The following NEGR1 variants were observed in gnomAD, a reference collection of about 807,000 sequenced individuals.
NEGR1 encodes the protein neuronal growth regulator 1.
In NEGR1, 10 loss-of-function variants were observed where a neutral mutation model predicts 40.9. That is an observed-to-expected ratio of 0.24 (90% CI 0.15 to 0.42). The LOEUF (loss-of-function observed/expected upper bound fraction) is 0.42, where lower values mean the gene tolerates loss of function less well. Ranked by LOEUF, NEGR1 falls within the 10% of genes least tolerant of loss-of-function variation. The pLI, the probability that NEGR1 is intolerant of heterozygous loss-of-function variation, is 1.00. For missense variants in NEGR1, 352 were observed against 438.9 expected, an observed-to-expected ratio of 0.80 and a Z score of 1.77; for synonymous variants, 185 against 166.8, an observed-to-expected ratio of 1.11 and a Z score of -0.84.
chr1:71,673,299 G>C (rs1261716145), intron 4 of NEGR1, among the ~76,000 whole-genome samples: 4 of 152,052 alleles, frequency 2.6e-5, no homozygotes, highest in Non-Finnish European at 4.4e-5. Context: ...GGGTATCTTT[G>C]TAAACAAGTT....
chr1:72,156,724 C>T (rs1183201749), intron 1 of NEGR1, among the ~76,000 whole-genome samples: 3 of 151,970 alleles, frequency 2.0e-5, no homozygotes, highest in Non-Finnish European at 4.4e-5. Flanking sequence ...AATTGATAGA[C>T]TAAAATACAT....
At chr1:71,626,324 T>A (rs958837658) in intron 4 of NEGR1, among the ~76,000 whole-genome samples, 1 of 151,886 alleles carries the variant, frequency 6.6e-6, no homozygotes, top group African/African-American at 2.4e-5. Flanking sequence ...ACTCGTCATT[T>A]AATATTAGGT....
rs57022653 is a variant in NEGR1, at chr1:71,876,955, G to A, written c.409+58124C>T. Among the ~76,000 whole-genome samples the A allele has an allele frequency of 6.0e-3, 905 of 151,992 alleles. 28 individuals carry two copies. Among genetic ancestry groups the A allele is most frequent in the Admixed American group, 0.039 (594 of 15,250 alleles). On this transcript the variant is annotated intron_variant, in intron 2 of 6. Transcript: ENST00000357731. ...GGGTCAGAATTAGAAGATACTTAGA[G>A]AAAGTATTACCTATAGGATGATGTT...
chr1:71,533,106 A>C (rs143982928), intron 6 of NEGR1, among the ~76,000 whole-genome samples: 1 of 151,520 alleles, frequency 6.6e-6, no homozygotes, highest in Admixed American at 6.6e-5. Context: ...ACTGACTTTG[A>C]TATTAGGCCA....
chr1:72,271,377 G>C (rs1055160732), intron 1 of NEGR1, among the ~76,000 whole-genome samples: 1 of 151,778 alleles, frequency 6.6e-6, no homozygotes, highest in African/African-American at 2.4e-5. Context: ...GTTCCATGTT[G>C]CTTCCTTATA....
intron 1 of NEGR1, among the ~76,000 whole-genome samples, chr1:72,047,247 G>C (rs974004600): frequency 6.6e-6 from 1 of 151,078 alleles, no homozygotes; most frequent in Non-Finnish European, 1.5e-5. Flanking sequence ...ATATTAATAA[G>C]TGATCCAAAG....
intron 1 of NEGR1, among the ~76,000 whole-genome samples, chr1:72,250,090 T>C (rs893733875): frequency 2.0e-5 from 3 of 152,176 alleles, no homozygotes; most frequent in Admixed American, 6.6e-5. Flanking sequence ...GTAGGTCACA[T>C]TGGCCTCTTC....
chr1:71,623,631 C>G (rs1650677934), intron 4 of NEGR1, among the ~76,000 whole-genome samples: 1 of 151,796 alleles, frequency 6.6e-6, no homozygotes, highest in Admixed American at 6.6e-5. Context: ...AGAACATGCA[C>G]AATAAGTAGT....
intron 1 of NEGR1, among the ~76,000 whole-genome samples, chr1:72,164,052 A>G (rs1307881687): frequency 6.6e-6 from 1 of 151,890 alleles, no homozygotes; most frequent in East Asian, 1.9e-4. Context: ...AGCAGAAACA[A>G]GAAGGTTGGA....
At chr1:71,526,096 C>G (rs969540174) in intron 6 of NEGR1, among the ~76,000 whole-genome samples, 3 of 151,424 alleles carry the variant, frequency 2.0e-5, no homozygotes, top group Admixed American at 1.3e-4. Flanking sequence ...GCATCATATT[C>G]TAAATTGCAT....
chr1:72,137,096 A>T (rs1266276001), intron 1 of NEGR1, among the ~76,000 whole-genome samples: 3 of 152,164 alleles, frequency 2.0e-5, no homozygotes, highest in Non-Finnish European at 4.4e-5. Context: ...TCAGGAAACA[A>T]CAGATGCTGG....
chr1:72,268,859 G>A (rs924210080), intron 1 of NEGR1, among the ~76,000 whole-genome samples: 2 of 151,224 alleles, frequency 1.3e-5, no homozygotes, highest in Admixed American at 1.3e-4. Flanking sequence ...GTTTAAGAAC[G>A]CGAAGAAGGA....
intron 2 of NEGR1, among the ~76,000 whole-genome samples, chr1:71,898,920 ATAT>A (rs1294226799): frequency 7.4e-6 from 1 of 135,122 alleles, no homozygotes; most frequent in African/African-American, 2.8e-5. Flanking sequence ...TTGCAAATAT[ATAT>A]TTGCAAATAT....
intron 2 of NEGR1, among the ~76,000 whole-genome samples, chr1:71,884,904 T>C (rs1254645405): frequency 6.6e-6 from 1 of 152,236 alleles, no homozygotes; most frequent in Non-Finnish European, 1.5e-5. Context: ...TCTAGGTGTA[T>C]GAAATAATCT....
At chr1:71,976,735 C>G (rs980633988) in intron 1 of NEGR1, among the ~76,000 whole-genome samples, 4 of 151,846 alleles carry the variant, frequency 2.6e-5, no homozygotes, top group Non-Finnish European at 5.9e-5. Flanking sequence ...CTAAGGTTTT[C>G]GAAGAGAAAC....
At chr1:71,938,583 A>G (rs1645931617) in intron 1 of NEGR1, among the ~76,000 whole-genome samples, 1 of 152,026 alleles carries the variant, frequency 6.6e-6, no homozygotes. Flanking sequence ...GTAAGGAGGG[A>G]AGCTATGTAG....
chr1:71,996,938 G>C (rs17578672), intron 1 of NEGR1, among the ~76,000 whole-genome samples: 1 of 151,704 alleles, frequency 6.6e-6, no homozygotes, highest in Non-Finnish European at 1.5e-5. Context: ...TATATGGCCC[G>C]AAATTTCCTC....
At chr1:71,464,650 T>G (rs762119894) in intron 6 of NEGR1, among the ~76,000 whole-genome samples, 1 of 152,084 alleles carries the variant, frequency 6.6e-6, no homozygotes, top group African/African-American at 2.4e-5. Flanking sequence ...CCTAGATGTA[T>G]ATCAATTAAA....
intron 3 of NEGR1, among the ~76,000 whole-genome samples, chr1:71,755,897 C>T (rs1182862480): frequency 6.6e-6 from 1 of 152,056 alleles, no homozygotes; most frequent in African/African-American, 2.4e-5. Context: ...TTGAAGAAAA[C>T]AGATGTAAAA....
Sources: gnomAD v4.1 joint callset for allele counts (sites outside exome capture counted in the v4.1 genomes callset) on GRCh38, gnomAD v4.1.1 for gene constraint, MANE v1.5 for transcripts, NCBI Gene and HGNC (gene_info 2026-07-23, HGNC 2026-07-21) for gene names.